CACNA2D3: variants seen among roughly 807,000 people sequenced by gnomAD.
CACNA2D3 encodes the protein calcium voltage-gated channel auxiliary subunit alpha2delta 3.
In CACNA2D3, 60 loss-of-function variants were observed where a neutral mutation model predicts 160.6. The observed-to-expected ratio is 0.37, with a 90% CI of 0.30 to 0.46. The LOEUF is 0.46. Ranked by LOEUF, CACNA2D3 falls within the 20% of genes least tolerant of loss-of-function variation. The pLI is 1.00. For missense variants in CACNA2D3, 1,205 were observed against 1,365.0 expected, an observed-to-expected ratio of 0.88 and a Z score of 1.85; for synonymous variants, 558 against 492.9, an observed-to-expected ratio of 1.13 and a Z score of -1.75.
chr3:54,764,824 G>C (rs985901952), intron 13 of CACNA2D3, among the ~76,000 whole-genome samples: 1 of 152,170 alleles, frequency 6.6e-6, no homozygotes, highest in Non-Finnish European at 1.5e-5. Flanking sequence ...GTGAGAATAT[G>C]CTTGAATGGT....
intron 11 of CACNA2D3, among the ~76,000 whole-genome samples, chr3:54,651,208 A>G (rs1208850494): frequency 6.6e-6 from 1 of 152,132 alleles, no homozygotes; most frequent in South Asian, 2.1e-4. Flanking sequence ...GCCCCCAAGT[A>G]CAGGAGGGTC....
chr3:54,578,780 T>C (rs1006571949), intron 8 of CACNA2D3, among the ~76,000 whole-genome samples: 5 of 152,242 alleles, frequency 3.3e-5, no homozygotes, highest in African/African-American at 9.6e-5. Flanking sequence ...ACTGCACATG[T>C]ACCTCCCTGA....
rs546071406 is a variant in CACNA2D3 at position 54,259,876 on chromosome 3, C to T, written c.205-60566C>T. Reference sequence around the variant, plus strand: ...CAAAGCCCTGCATTCTAGCTGTTGGCTTTTGCAATGCTCAGGAATTTTCAG... The same window carrying T: ...CAAAGCCCTGCATTCTAGCTGTTGGTTTTTGCAATGCTCAGGAATTTTCAG... On this transcript the variant is annotated intron_variant, in intron 2 of 37. Transcript: ENST00000474759. 3.2e-4 allele frequency among the ~76,000 whole-genome samples: 48 copies of T among 152,298 alleles called. 2 individuals are homozygous for T. The South Asian group carries it at 9.9e-3, about 32-fold the overall frequency.
intron 4 of CACNA2D3, among the ~76,000 whole-genome samples, chr3:54,402,017 G>C (rs1390200657): frequency 6.6e-6 from 1 of 152,096 alleles, no homozygotes; most frequent in Non-Finnish European, 1.5e-5. Flanking sequence ...CAAAAGTCAA[G>C]AGTGTTTGTA....
intron 11 of CACNA2D3, among the ~76,000 whole-genome samples, chr3:54,697,808 T>A (rs114132086): frequency 1.5e-3 from 232 of 152,320 alleles, no homozygotes; most frequent in Non-Finnish European, 2.6e-3. Flanking sequence ...GGGTAGGAGA[T>A]GGAAGGAGGA....
intron 2 of CACNA2D3, among the ~76,000 whole-genome samples, chr3:54,204,332 C>T (rs915339320): frequency 6.6e-6 from 1 of 151,610 alleles, no homozygotes; most frequent in Non-Finnish European, 1.5e-5. Flanking sequence ...TGTGTATATA[C>T]CATATATATA....
At chr3:54,157,209 C>A (rs1468791232) in intron 2 of CACNA2D3, among the ~76,000 whole-genome samples, 1 of 152,166 alleles carries the variant, frequency 6.6e-6, no homozygotes, top group Non-Finnish European at 1.5e-5. Context: ...TCTTCCTGTT[C>A]TTATAAAGAC....
intron 8 of CACNA2D3, among the ~76,000 whole-genome samples, chr3:54,570,620 C>T (rs1182149000): frequency 6.6e-6 from 1 of 152,022 alleles, no homozygotes; most frequent in East Asian, 1.9e-4. Context: ...TAAATGCCTG[C>T]TTTTAATAAA....
intron 4 of CACNA2D3, among the ~76,000 whole-genome samples, chr3:54,425,692 G>C: frequency 6.6e-6 from 1 of 152,118 alleles, no homozygotes; most frequent in East Asian, 1.9e-4. Context: ...GATCACTTTT[G>C]GGGGAGCTCA....
At chr3:54,821,958 G>A (rs994967780) in intron 14 of CACNA2D3, among the ~76,000 whole-genome samples, 1 of 152,100 alleles carries the variant, frequency 6.6e-6, no homozygotes, top group African/African-American at 2.4e-5. Context: ...CAGGTCTAGT[G>A]ATTTCAGTGT....
chr3:54,677,062 C>A (rs1319451131), intron 11 of CACNA2D3, among the ~76,000 whole-genome samples: 2 of 152,152 alleles, frequency 1.3e-5, no homozygotes, highest in Non-Finnish European at 2.9e-5. Flanking sequence ...TGTACGTGCC[C>A]TTGAGCACAA....
intron 11 of CACNA2D3, among the ~76,000 whole-genome samples, chr3:54,721,164 T>C (rs768223295): frequency 6.6e-6 from 1 of 152,176 alleles, no homozygotes; most frequent in Non-Finnish European, 1.5e-5. Flanking sequence ...TTCCCACTTA[T>C]ATAATGTACA....
rs938922244 is a variant in CACNA2D3 at position 54,622,127 on chromosome 3, C to T, written c.964-5660C>T. 3.9e-5 allele frequency among the ~76,000 whole-genome samples: 6 copies of T among 152,056 alleles called. No individual in the cohort carries two copies. In the South Asian group the frequency reaches 1.2e-3, roughly 32 times the overall value. ...TCTGAGGCACTGATGCTCTCACTAC[C>T]CCACCCACTACTCAGGTGCTTTCCC... On this transcript the variant is annotated intron_variant, in intron 9 of 37. Coordinates refer to ENST00000474759, the MANE Select transcript of CACNA2D3 (RefSeq NM_018398.3).
intron 27 of CACNA2D3, among the ~76,000 whole-genome samples, chr3:54,941,554 C>T (rs942091822): frequency 3.3e-5 from 5 of 152,218 alleles, no homozygotes; most frequent in South Asian, 2.1e-4. Flanking sequence ...AAAATCTTAA[C>T]GACATTTGGG....
chr3:54,633,502 C>T (rs1353726634), intron 10 of CACNA2D3: 1 of 151,664 alleles, frequency 6.6e-6, no homozygotes, highest in Non-Finnish European at 1.5e-5. Flanking sequence ...ATTTATTGGG[C>T]AAAAAGGGAA....
At chr3:54,265,116 G>A (rs1414123649) in intron 2 of CACNA2D3, among the ~76,000 whole-genome samples, 1 of 152,062 alleles carries the variant, frequency 6.6e-6, no homozygotes, top group East Asian at 1.9e-4. Flanking sequence ...GGGATTGCTG[G>A]GTCAAATGGT....
At chr3:54,404,204 A>G (rs1246365823) in intron 4 of CACNA2D3, among the ~76,000 whole-genome samples, 6 of 152,224 alleles carry the variant, frequency 3.9e-5, no homozygotes, top group Admixed American at 3.3e-4. Flanking sequence ...ACGTCAGGTC[A>G]GTATCAATAT....
intron 2 of CACNA2D3, among the ~76,000 whole-genome samples, chr3:54,188,432 A>G (rs6445632): frequency 0.16 from 24,635 of 152,164 alleles, 2,086 homozygotes; most frequent in Admixed American, 0.19. Context: ...GAATGTTGTA[A>G]GAATAGCGTT....
chr3:54,365,579 T>A (rs1200643397), intron 3 of CACNA2D3, among the ~76,000 whole-genome samples: 2 of 152,132 alleles, frequency 1.3e-5, no homozygotes, highest in African/African-American at 2.4e-5. Context: ...ATACAGGCTA[T>A]CTGGCCGGTC....
Sources: gnomAD v4.1 joint callset for allele counts (sites outside exome capture counted in the v4.1 genomes callset) on GRCh38, gnomAD v4.1.1 for gene constraint, MANE v1.5 for transcripts, NCBI Gene and HGNC (gene_info 2026-07-23, HGNC 2026-07-21) for gene names.